Variants in ALDOA observed in about 807,000 individuals in gnomAD.
ALDOA encodes the protein aldolase, fructose-bisphosphate A.
ALDOA carries 26 observed loss-of-function variants against 43.9 expected under a neutral mutation model. That is an observed-to-expected ratio of 0.59 (90% CI 0.43 to 0.82). The LOEUF is 0.82. ALDOA is among the 40% of genes least tolerant of loss of function. The probability of loss-of-function intolerance (pLI) is 0.00; values close to 1 mark genes in which losing one functional copy is unlikely to be tolerated. For missense variants in ALDOA, 498 were observed against 549.5 expected (o/e 0.91, Z 0.94); for synonymous variants, 258 against 222.6 (o/e 1.16, Z -1.42).
rs535217608 is a variant in ALDOA, at chr16:30,067,053, C to T, written c.141+15C>T. ...AGTTAGGAAAGGTACAGGGGCAGGC[C>T]TAGCAAAGGGAAGTTGGGCGTAAGA... On this transcript the variant is annotated intron_variant, in intron 2 of 9. Coordinates refer to ENST00000642816, the MANE Select transcript of ALDOA (RefSeq NM_001243177.4). 2 of 1,576,028 alleles carry T rather than the reference C, an allele frequency of 1.3e-6. No homozygotes were observed. Among genetic ancestry groups the T allele is most frequent in the East Asian group, 4.7e-5 (2 of 42,592 alleles).
At position 30,067,493 on chromosome 16, in the gene ALDOA, C is replaced by G. The variant is rs768153334; in HGVS notation, c.318C>G (p.Thr106=). The change falls in exon 4 of 10, where the codon ACC becomes ACG. Residue 106 remains threonine (T), a synonymous_variant. Transcript: ENST00000642816. The stretch of plus-strand genomic sequence containing the variant: ...TGCAGTCCATTGGCACCGAGAACAC[C>G]GAGGAGAACCGGCGCTTCTACCGCC... The part of the protein sequence containing the change: ...KRLQSIGTEN[T]EENRRFYRQL... 3.7e-6 allele frequency: 6 copies of G among 1,613,478 alleles called. No individual in the cohort carries two copies. The highest frequency in any genetic ancestry group is 1.6e-4 in the Middle Eastern group (1 of 6,082).
chr16:30,065,089 G>A (rs1302411197), upstream of ALDOA, among the ~76,000 whole-genome samples: 2 of 152,242 alleles, frequency 1.3e-5, no homozygotes, highest in Non-Finnish European at 2.9e-5. Context: ...CCGGCGGAGA[G>A]CGCGCACGCA....
chr16:30,067,194 CCTAG>C, intron 2 of ALDOA, 36 bp from the exon 3 acceptor site: 1 of 1,611,462 alleles, frequency 6.2e-7, no homozygotes, highest in Non-Finnish European at 8.5e-7. Context: ...GATGGGAAAC[CCTAG>C]CTAACTAGTC....
At chr16:30,067,187 G>A in intron 2 of ALDOA, 47 bp from the exon 3 acceptor site, 1 of 1,610,824 alleles carries the variant, frequency 6.2e-7, no homozygotes, top group Non-Finnish European at 8.5e-7. Flanking sequence ...GGGAGATGAT[G>A]GGAAACCCTA....
At chr16:30,065,063 G>A (rs1460561224), upstream of ALDOA, among the ~76,000 whole-genome samples, 1 of 152,252 alleles carries the variant, frequency 6.6e-6, no homozygotes, top group African/African-American at 2.4e-5. Context: ...AGGACTACCA[G>A]CCTGGCTGCG....
intron 5 of ALDOA, 37 bp from the exon 6 acceptor site, chr16:30,068,781 C>A: frequency 6.2e-7 from 1 of 1,614,234 alleles, no homozygotes. Flanking sequence ...CCACATGCCC[C>A]TCCCCACCGT....
rs1057523259 is a variant in ALDOA at position 30,068,637 on chromosome 16, C to T, written c.487-9C>T. 5 of 1,614,012 alleles carry T rather than the reference C, an allele frequency of 3.1e-6. No homozygotes were observed. Among genetic ancestry groups the T allele is most frequent in the Admixed American group, 1.7e-5 (1 of 60,002 alleles). On this transcript the variant is annotated splice_polypyrimidine_tract_variant and intron_variant, in intron 4 of 9. Coordinates refer to ENST00000642816, the MANE Select transcript of ALDOA (RefSeq NM_001243177.4). ...CTGTGTCTTAATGTTGTTACCCTGA[C>T]CCCAACAGGTAGACAAGGGCGTGGT... is the stretch of plus-strand genomic sequence containing the variant.
At chr16:30,064,385 C>T (rs368838546), upstream of ALDOA, 8 of 398,582 alleles carry the variant, frequency 2.0e-5, no homozygotes, top group Non-Finnish European at 4.4e-6. Flanking sequence ...GCAGGGAGGC[C>T]ACGTGATCCG....
Position 30,069,006 on chromosome 16 carries a change from C to T in ALDOA, c.702+28C>T, listed in dbSNP as rs201927726. On this transcript the variant is annotated intron_variant, in intron 6 of 9. Coordinates refer to ENST00000642816, the MANE Select transcript of ALDOA (RefSeq NM_001243177.4). ...GGGCCTGCAGGTCCTCAATAGGCAA[C>T]CTCCTACCTCATTTGGTTCCAGTGT... 8.6e-5 allele frequency: 138 copies of T among 1,614,020 alleles called. No individual in the cohort carries two copies. The African/African-American group carries it at 1.2e-3, about 14-fold the overall frequency.
intron 7 of ALDOA, 26 bp from the exon 8 acceptor site, chr16:30,069,473 C>T (rs1383755361): frequency 1.2e-6 from 2 of 1,614,090 alleles, no homozygotes; most frequent in East Asian, 4.5e-5. Context: ...CACCCCACTA[C>T]CCACCGTGCG....
Position 30,069,520 on chromosome 16 carries a change from G to A in ALDOA, c.808G>A (p.Ala270Thr), listed in dbSNP as rs775049666. ...TEKVLAAVYKALSDHHIYLEG... is the reference protein window; with the variant it reads ...TEKVLAAVYKTLSDHHIYLEG... ...CCAGGTGCTGGCTGCTGTCTACAAG[G>A]CTCTGAGTGACCACCACATCTACCT... The change falls in exon 8 of 10, where the codon GCT becomes ACT. Residue 270 changes from alanine (A) to threonine (T), a missense_variant. Coordinates refer to ENST00000642816, the MANE Select transcript of ALDOA (RefSeq NM_001243177.4). The A allele has an allele frequency of 1.2e-6, 2 of 1,613,932 alleles. No individual in the cohort carries two copies. Among genetic ancestry groups the A allele is most frequent in the African/African-American group, 2.7e-5 (2 of 74,902 alleles).
chr16:30,065,022 T>C (rs989082856), upstream of ALDOA, among the ~76,000 whole-genome samples: 1 of 152,228 alleles, frequency 6.6e-6, no homozygotes, highest in African/African-American at 2.4e-5. Flanking sequence ...GGCCGGTGCA[T>C]AGCCGCGCAT....
chr16:30,067,128 G>A (rs2072138223), intron 2 of ALDOA, 90 bp downstream of exon 2: 2 of 1,579,548 alleles, frequency 1.3e-6, no homozygotes, highest in African/African-American at 2.7e-5. Context: ...GTGGGGCAGG[G>A]GAGGTAGGGA....
In ALDOA at chr16:30,070,011, G is replaced by A. The variant is rs1329301127; in HGVS notation, c.1143G>A (p.Glu381=). 1.2e-6 allele frequency: 2 copies of A among 1,613,828 alleles called. No individual in the cohort carries two copies. The highest frequency in any genetic ancestry group is 2.2e-5 in the South Asian group (2 of 91,086). ...KKENLKAAQE[E]YVKRALANSL... ...AGAACCTGAAGGCTGCGCAGGAGGA[G>A]TATGTCAAGCGAGCCCTGGTAAGGA... The change falls in exon 9 of 10, where the codon GAG becomes GAA. Residue 381 remains glutamate (E), a synonymous_variant. Transcript: ENST00000642816.
At chr16:30,068,780 C>T (rs982588494) in intron 5 of ALDOA, 38 bp from the exon 6 acceptor site, 4 of 1,614,196 alleles carry the variant, frequency 2.5e-6, no homozygotes, top group Non-Finnish European at 2.5e-6. Flanking sequence ...ACCACATGCC[C>T]CTCCCCACCG....
chr16:30,067,367 G>A lies in ALDOA; in HGVS notation c.274+1G>A, dbSNP rs1171834796. 1 of 1,613,956 alleles carries A rather than the reference G, an allele frequency of 6.2e-7. No individual in the cohort carries two copies. Among genetic ancestry groups the A allele is most frequent in the Non-Finnish European group, 8.5e-7 (1 of 1,180,036 alleles). ...ATCCTGGCTGCAGATGAGTCCACTG[G>A]TGCGGGCAGGAGACAGAATGGGTGG... is the stretch of plus-strand genomic sequence containing the variant. On this transcript the variant is annotated splice_donor_variant, in intron 3 of 9. Transcript: ENST00000642816. LOFTEE classifies it high-confidence loss of function.
In ALDOA at chr16:30,067,864, CAG is replaced by C. The variant is rs774283337; in HGVS notation, c.486+205_486+206del. 9.1e-5 allele frequency: 60 copies of C among 660,810 alleles called. 1 individual carries two copies. In the South Asian group the frequency reaches 1.0e-3, roughly 11 times the overall value. The allele number at this position is 660,810 out of a possible 1,614,324, so 40.9% of individuals were successfully genotyped here. On this transcript the variant is annotated intron_variant, in intron 4 of 9. Transcript: ENST00000642816. ...ATTCCCACTTTACACATGAAAATCT[CAG>C]AAGCTCAGGGAAGTGAAGTGTTTTG...
chr16:30,064,363 CCAGGGAGGGTGG>C (rs535505848), upstream of ALDOA: 3 of 398,790 alleles, frequency 7.5e-6, no homozygotes, highest in East Asian at 1.1e-4. Flanking sequence ...AGAGAAGGAG[CCAGGGAGGGTGG>C]CAGGGAGGCC....
At chr16:30,068,122 G>T in intron 4 of ALDOA, 1 of 253,546 alleles carries the variant, frequency 3.9e-6, no homozygotes, top group Non-Finnish European at 7.7e-6. Context: ...GAGTGCAGTG[G>T]TGCGATCTCT....
Sources: allele counts gnomAD v4.1 joint callset (sites outside exome capture counted in the v4.1 genomes callset), GRCh38; gene constraint gnomAD v4.1.1; transcripts MANE v1.5; gene names NCBI Gene and HGNC (gene_info 2026-07-23, HGNC 2026-07-21).